KCNH5: variants seen among roughly 807,000 people sequenced by gnomAD.
KCNH5 encodes the protein potassium voltage-gated channel subfamily H member 5.
KCNH5 carries 46 observed loss-of-function variants against 96.1 expected under a neutral mutation model. That is an observed-to-expected ratio of 0.48 (90% CI 0.38 to 0.61). The LOEUF (loss-of-function observed/expected upper bound fraction) is 0.61, where lower values mean the gene tolerates loss of function less well. Ranked by LOEUF, KCNH5 falls within the 20% of genes least tolerant of loss-of-function variation. The pLI is 0.00. For missense variants in KCNH5, 907 were observed against 1,225.8 expected, an observed-to-expected ratio of 0.74 and a Z score of 3.88; for synonymous variants, 439 against 449.8, an observed-to-expected ratio of 0.98 and a Z score of 0.30.
At chr14:62,903,874 C>G (rs1415585377) in intron 7 of KCNH5, among the ~76,000 whole-genome samples, 3 of 151,674 alleles carry the variant, frequency 2.0e-5, no homozygotes, top group Admixed American at 1.3e-4. Context: ...AAAAGTAGAT[C>G]TAATATTATA....
chr14:62,782,704 G>A (rs568686712), intron 9 of KCNH5, among the ~76,000 whole-genome samples: 13 of 152,154 alleles, frequency 8.5e-5, no homozygotes, highest in African/African-American at 2.2e-4. Context: ...CTAGCTACTC[G>A]GGAGGCTGAG....
intron 10 of KCNH5, among the ~76,000 whole-genome samples, chr14:62,753,220 G>A (rs890911209): frequency 2.0e-5 from 3 of 152,136 alleles, no homozygotes; most frequent in African/African-American, 7.2e-5. Flanking sequence ...ACTGATGAAT[G>A]CATCACAGTC....
chr14:62,790,781 T>C (rs2139988139), intron 9 of KCNH5, among the ~76,000 whole-genome samples: 1 of 151,938 alleles, frequency 6.6e-6, no homozygotes, highest in African/African-American at 2.4e-5. Context: ...GCTAAGTCAT[T>C]ATTTGCATAT....
intron 10 of KCNH5, among the ~76,000 whole-genome samples, chr14:62,758,737 C>T (rs1317366310): frequency 6.6e-6 from 1 of 152,110 alleles, no homozygotes; most frequent in Non-Finnish European, 1.5e-5. Flanking sequence ...CACAACATGA[C>T]CCTACAAAGC....
chr14:62,847,020 T>G (rs1291703098), intron 8 of KCNH5, among the ~76,000 whole-genome samples: 1 of 149,628 alleles, frequency 6.7e-6, no homozygotes, highest in Non-Finnish European at 1.5e-5. Context: ...CAGGATGGTC[T>G]CAATCTCCTG....
intron 7 of KCNH5, among the ~76,000 whole-genome samples, chr14:62,920,343 G>A (rs911391389): frequency 2.6e-5 from 4 of 152,048 alleles, no homozygotes; most frequent in Non-Finnish European, 5.9e-5. Context: ...CTAAACTCTG[G>A]AAAACTTACT....
intron 10 of KCNH5, among the ~76,000 whole-genome samples, chr14:62,752,398 G>A (rs1885521422): frequency 6.6e-6 from 1 of 151,952 alleles, no homozygotes; most frequent in Non-Finnish European, 1.5e-5. Context: ...CATCAAGTGG[G>A]CTCTTGGGGT....
chr14:62,942,450 T>C (rs966291471), intron 7 of KCNH5, among the ~76,000 whole-genome samples: 4 of 152,212 alleles, frequency 2.6e-5, no homozygotes, highest in Non-Finnish European at 5.9e-5. Flanking sequence ...GCAATGCCCA[T>C]AACCTCAGCT....
chr14:62,863,468 A>G (rs1359406404), intron 7 of KCNH5, among the ~76,000 whole-genome samples: 1 of 152,220 alleles, frequency 6.6e-6, no homozygotes, highest in African/African-American at 2.4e-5. Context: ...TTCCAAGAAT[A>G]TTAAAACCTG....
intron 7 of KCNH5, among the ~76,000 whole-genome samples, chr14:62,868,530 T>C (rs1409185197): frequency 2.6e-5 from 4 of 152,190 alleles, no homozygotes; most frequent in South Asian, 4.1e-4. Flanking sequence ...AATTATCACA[T>C]TGTGCTTTTA....
intron 3 of KCNH5, among the ~76,000 whole-genome samples, chr14:63,004,932 T>C (rs1891097723): frequency 6.6e-6 from 1 of 152,238 alleles, no homozygotes; most frequent in South Asian, 2.1e-4. Flanking sequence ...CTTAGTTATA[T>C]AGAATATTCT....
chr14:62,879,861 A>G (rs891044781), intron 7 of KCNH5, among the ~76,000 whole-genome samples: 3 of 152,170 alleles, frequency 2.0e-5, no homozygotes, highest in African/African-American at 7.2e-5. Flanking sequence ...CATTATACAA[A>G]AGCAAATGTC....
At chr14:62,966,617 C>G (rs753682620) in intron 6 of KCNH5, among the ~76,000 whole-genome samples, 1 of 152,196 alleles carries the variant, frequency 6.6e-6, no homozygotes, top group Admixed American at 6.5e-5. Flanking sequence ...TTAGCAGGAC[C>G]TTCTTTCTCC....
rs1244505411 is a variant in KCNH5, at chr14:62,700,208, T to C, written c.*7300A>G. 2 of 152,348 alleles carry C rather than the reference T, an allele frequency of 1.3e-5. No individual in the cohort carries two copies. The highest frequency in any genetic ancestry group is 1.9e-4 in the East Asian group (1 of 5,188). The allele number at this position is 152,348 out of a possible 1,614,324, so 9.4% of individuals were successfully genotyped here. A position where few individuals can be genotyped will look rare whatever the true frequency, so the allele number is the denominator to read the frequency against. On this transcript the variant is annotated 3_prime_UTR_variant, in exon 11 of 11. Coordinates refer to ENST00000322893, the MANE Select transcript of KCNH5 (RefSeq NM_139318.5). ...CAATATATCGTGAATCTGCACATTT[T>C]GTGTTGTTTGAGTACCAAGCACTTC...
rs907694476 is a variant in KCNH5, at chr14:62,700,688, T to C, written c.*6820A>G. ...TATCAAACACTGTAACATGGAATTA[T>C]AAATGAATCTTTGTTGTGATTTTGC... On this transcript the variant is annotated 3_prime_UTR_variant, in exon 11 of 11. Coordinates refer to ENST00000322893, the MANE Select transcript of KCNH5 (RefSeq NM_139318.5). 3 of 152,216 alleles carry C rather than the reference T, an allele frequency of 2.0e-5. No individual in the cohort carries two copies. The highest frequency in any genetic ancestry group is 4.4e-5 in the Non-Finnish European group (3 of 68,032). 9.4% of individuals were successfully genotyped at this position (152,216 alleles called of 1,614,324 possible). A position where few individuals can be genotyped will look rare whatever the true frequency, so the allele number is the denominator to read the frequency against.
At chr14:62,772,137 C>G (rs903985609) in intron 10 of KCNH5, among the ~76,000 whole-genome samples, 1 of 152,112 alleles carries the variant, frequency 6.6e-6, no homozygotes, top group African/African-American at 2.4e-5. Context: ...CTACCTGCTA[C>G]CAAACAAGTC....
At chr14:62,778,665 T>C (rs1294078255) in intron 10 of KCNH5, among the ~76,000 whole-genome samples, 3 of 152,268 alleles carry the variant, frequency 2.0e-5, no homozygotes, top group Non-Finnish European at 4.4e-5. Context: ...GCATACGTAC[T>C]CTGTGCTTAA....
chr14:62,725,622 G>C (rs1884909656), intron 10 of KCNH5, among the ~76,000 whole-genome samples: 1 of 152,162 alleles, frequency 6.6e-6, no homozygotes, highest in Non-Finnish European at 1.5e-5. Context: ...TTGAGAGTCA[G>C]CTGAACTCCA....
chr14:63,001,232 A>C (rs1891004698), intron 4 of KCNH5, 99 bp downstream of exon 4: 1 of 1,027,182 alleles, frequency 9.7e-7, no homozygotes, highest in African/African-American at 1.6e-5. Flanking sequence ...GCCACATAGT[A>C]GAATTTTGTT....
Sources: allele counts gnomAD v4.1 joint callset (sites outside exome capture counted in the v4.1 genomes callset), GRCh38; gene constraint gnomAD v4.1.1; transcripts MANE v1.5; gene names NCBI Gene and HGNC (gene_info 2026-07-23, HGNC 2026-07-21).